EBF1: variants seen among roughly 807,000 people sequenced by gnomAD.
EBF1 encodes the protein EBF transcription factor 1.
In EBF1, 10 loss-of-function variants were observed where a neutral mutation model predicts 68.4. The observed-to-expected ratio is 0.15, with a 90% CI of 0.09 to 0.25. EBF1 has a LOEUF of 0.25. EBF1 is among the 10% of genes least tolerant of loss of function. EBF1 has a pLI of 1.00. For synonymous variants in EBF1, 298 were observed against 299.8 expected (o/e 0.99, Z 0.06); for missense variants, 509 against 794.4 (o/e 0.64, Z 4.32).
Position 158,869,274 on chromosome 5 carries a change from G to A in EBF1, c.555-29164C>T, listed in dbSNP as rs112351277. Among the ~76,000 whole-genome samples the A allele has an allele frequency of 1.5e-3, 226 of 152,238 alleles. 1 individual carries two copies. The highest frequency in any genetic ancestry group is 4.9e-3 in the African/African-American group (204 of 41,526). The stretch of plus-strand genomic sequence containing the variant: ...CCCAGCAGAGAGGGCTTCACAAGGC[G>A]CAGTGAGATCCCCCTGGGAATAGAA... On this transcript the variant is annotated intron_variant, in intron 6 of 15. Transcript: ENST00000313708.
chr5:158,825,701 A>T (rs1239939515), intron 7 of EBF1, among the ~76,000 whole-genome samples: 3 of 152,150 alleles, frequency 2.0e-5, no homozygotes, highest in Non-Finnish European at 4.4e-5. Flanking sequence ...CACATGTGTG[A>T]TAGAATCATT....
At chr5:158,926,958 C>T (rs116430942) in intron 6 of EBF1, among the ~76,000 whole-genome samples, 4,595 of 152,236 alleles carry the variant, frequency 0.03, 251 homozygotes, top group African/African-American at 0.11. Context: ...GCAAGCCTTC[C>T]TTGTTGATGC....
chr5:159,084,161 A>G (rs768267143), intron 5 of EBF1, among the ~76,000 whole-genome samples: 2 of 151,984 alleles, frequency 1.3e-5, no homozygotes, highest in African/African-American at 4.8e-5. Context: ...GGTGAGATGC[A>G]AGAGGAAGAA....
rs750647676 is a variant in EBF1 at position 158,777,557 on chromosome 5, G to A, written c.910-18C>T. 3.8e-6 allele frequency: 6 copies of A among 1,579,072 alleles called. No homozygotes were observed. In the South Asian group the frequency reaches 7.1e-5, roughly 19 times the overall value. On this transcript the variant is annotated intron_variant, in intron 9 of 15. Coordinates refer to ENST00000313708, the MANE Select transcript of EBF1 (RefSeq NM_024007.5). ...GTGATCAACTGGAGGAGACATTTGG[G>A]GGGAAAAATTGTCATTGCAATAGTT...
chr5:158,961,691 G>A (rs1381961768), intron 6 of EBF1, among the ~76,000 whole-genome samples: 5 of 152,112 alleles, frequency 3.3e-5, no homozygotes, highest in South Asian at 2.1e-4. Flanking sequence ...TACAGAGAAT[G>A]TAAGTTACTC....
chr5:158,796,127 A>AT (rs1779573641), intron 9 of EBF1, among the ~76,000 whole-genome samples: 1 of 152,092 alleles, frequency 6.6e-6, no homozygotes, highest in Admixed American at 6.5e-5. Flanking sequence ...AAGCTCTCCC[A>AT]TTGCTTATGG....
chr5:158,714,741 T>C (rs990471197), intron 11 of EBF1, among the ~76,000 whole-genome samples: 1 of 152,198 alleles, frequency 6.6e-6, no homozygotes, highest in African/African-American at 2.4e-5. Context: ...TGTCAAAAAC[T>C]CTTATGAAAG....
chr5:158,780,031 T>A (rs1776115559), intron 9 of EBF1, among the ~76,000 whole-genome samples: 1 of 152,182 alleles, frequency 6.6e-6, no homozygotes, highest in Non-Finnish European at 1.5e-5. Flanking sequence ...CTGTGAATAT[T>A]AGTCTGGGAA....
chr5:159,000,122 C>A (rs1484360211), intron 6 of EBF1, among the ~76,000 whole-genome samples: 1 of 152,146 alleles, frequency 6.6e-6, no homozygotes, highest in Admixed American at 6.5e-5. Context: ...GGCAATCATG[C>A]CAAACCGTAC....
chr5:158,986,548 G>C (rs973049135), intron 6 of EBF1: 2 of 152,198 alleles, frequency 1.3e-5, no homozygotes, highest in African/African-American at 4.8e-5. Flanking sequence ...TATAAAAGCA[G>C]CCAGATATAT....
At chr5:159,006,590 C>G (rs935899875) in intron 6 of EBF1, among the ~76,000 whole-genome samples, 1 of 141,386 alleles carries the variant, frequency 7.1e-6, no homozygotes, top group Non-Finnish European at 1.5e-5. Flanking sequence ...ATCTTTGACA[C>G]CACCCAGAAA....
intron 6 of EBF1, among the ~76,000 whole-genome samples, chr5:158,993,087 C>A (rs1329714156): frequency 6.6e-6 from 1 of 151,626 alleles, no homozygotes. Flanking sequence ...CGCTGCTACA[C>A]CCAGCTAATT....
intron 10 of EBF1, among the ~76,000 whole-genome samples, chr5:158,771,495 C>T (rs1265680979): frequency 6.6e-6 from 1 of 152,016 alleles, no homozygotes; most frequent in Non-Finnish European, 1.5e-5. Flanking sequence ...TCAATGAAGA[C>T]CCATTGATCC....
intron 6 of EBF1, among the ~76,000 whole-genome samples, chr5:159,060,879 G>T (rs948954908): frequency 2.2e-4 from 33 of 151,488 alleles, no homozygotes; most frequent in African/African-American, 7.8e-4. Flanking sequence ...AAAAGATTAT[G>T]TTGAAAGATG....
At chr5:158,828,250 G>A (rs962413219) in intron 7 of EBF1, among the ~76,000 whole-genome samples, 2 of 152,098 alleles carry the variant, frequency 1.3e-5, no homozygotes, top group Non-Finnish European at 2.9e-5. Flanking sequence ...AGTAACCAGG[G>A]GATACATACT....
At chr5:158,801,667 TAAA>T (rs11290189) in intron 8 of EBF1, among the ~76,000 whole-genome samples, 1 of 128,240 alleles carries the variant, frequency 7.8e-6, no homozygotes, top group Non-Finnish European at 1.7e-5. Context: ...AGGGAAGAAT[TAAA>T]AAAAAAAAAA....
intron 6 of EBF1, among the ~76,000 whole-genome samples, chr5:158,899,862 C>T (rs1802918683): frequency 6.6e-6 from 1 of 152,130 alleles, no homozygotes; most frequent in Admixed American, 6.6e-5. Context: ...ACTTTTTAAC[C>T]CTCTTCTCTT....
intron 8 of EBF1, among the ~76,000 whole-genome samples, chr5:158,803,847 C>A (rs1781071904): frequency 2.0e-5 from 3 of 150,076 alleles, no homozygotes; most frequent in Admixed American, 6.7e-5. Flanking sequence ...GTTTTTATTT[C>A]ATTTTGTTAT....
intron 11 of EBF1, among the ~76,000 whole-genome samples, chr5:158,722,261 A>C (rs1762079206): frequency 6.6e-6 from 1 of 152,172 alleles, no homozygotes; most frequent in African/African-American, 2.4e-5. Flanking sequence ...AACGGCCTAG[A>C]GTCAAAATTA....
Sources: gnomAD v4.1 joint callset for allele counts (sites outside exome capture counted in the v4.1 genomes callset) on GRCh38, gnomAD v4.1.1 for gene constraint, MANE v1.5 for transcripts, NCBI Gene and HGNC (gene_info 2026-07-23, HGNC 2026-07-21) for gene names.